GPR158: variants seen among roughly 807,000 people sequenced by gnomAD.
GPR158 encodes the protein G protein-coupled receptor 158.
GPR158 carries 30 observed loss-of-function variants against 78.2 expected under a neutral mutation model. The ratio of observed to expected loss-of-function variants is 0.38; its 90% CI spans 0.29 to 0.52. GPR158 has a LOEUF of 0.52. Among genes scored for constraint, GPR158 ranks in the 20% least tolerant of loss-of-function variants. The probability of loss-of-function intolerance (pLI) is 0.83; values close to 1 mark genes in which losing one functional copy is unlikely to be tolerated. For synonymous variants in GPR158, 581 were observed against 591.1 expected (o/e 0.98, Z 0.25); for missense variants, 1,463 against 1,523.5 (o/e 0.96, Z 0.66).
rs10642944 is a variant in GPR158 at position 25,212,627 on chromosome 10, C to CTTTTTTTTTTTTTTTTTTTTTT, written c.903-8424_903-8403dup. ...TACTTAACTACTAGAGAATTTATAGCTTTTTTTTTTTTTTTTTTTTTTGAG... is the reference window on the plus strand; with the variant it reads ...TACTTAACTACTAGAGAATTTATAGCTTTTTTTTTTTTTTTTTTTTTTTTTTTTTTTTTTTTTTTTTTTTGAG... On this transcript the variant is annotated intron_variant, in intron 1 of 10. Coordinates refer to ENST00000376351, the MANE Select transcript of GPR158 (RefSeq NM_020752.3). 2.5e-5 allele frequency among the ~76,000 whole-genome samples: 2 copies of CTTTTTTTTTTTTTTTTTTTTTT among 78,576 alleles called. 1 individual carries two copies. Among genetic ancestry groups the CTTTTTTTTTTTTTTTTTTTTTT allele is most frequent in the African/African-American group, 1.1e-4 (2 of 18,692 alleles). The allele number at this position is 78,576 out of a possible 152,430, so 51.5% of individuals were successfully genotyped here.
At chr10:25,573,403 T>C (rs796360972) in intron 7 of GPR158, among the ~76,000 whole-genome samples, 12 of 152,368 alleles carry the variant, frequency 7.9e-5, no homozygotes, top group African/African-American at 2.6e-4. Context: ...TTATTTATAA[T>C]TCTCTGGAGG....
chr10:25,498,172 A>G (rs1468377790), intron 5 of GPR158, among the ~76,000 whole-genome samples: 1 of 152,154 alleles, frequency 6.6e-6, no homozygotes, highest in Non-Finnish European at 1.5e-5. Flanking sequence ...TAACCAAACT[A>G]CAGTATTACC....
chr10:25,596,260 C>G (rs1837403632), intron 9 of GPR158, among the ~76,000 whole-genome samples: 2 of 152,160 alleles, frequency 1.3e-5, no homozygotes, highest in African/African-American at 4.8e-5. Context: ...GGCAGGAACT[C>G]TATGATATTC....
At chr10:25,341,995 A>T (rs543850) in intron 2 of GPR158, among the ~76,000 whole-genome samples, 2 of 151,726 alleles carry the variant, frequency 1.3e-5, no homozygotes, top group African/African-American at 4.8e-5. Flanking sequence ...AGAGTTCCTG[A>T]TACTTATTGC....
In GPR158 at chr10:25,577,992, A is replaced by T. The variant is rs191119441; in HGVS notation, c.1753+5105A>T. Reference sequence around the variant, plus strand: ...AATGACTTTTTCATCTGGTGGAAAGAGTTTTAAAATGTGGATGTTCCAAGA... The same window carrying T: ...AATGACTTTTTCATCTGGTGGAAAGTGTTTTAAAATGTGGATGTTCCAAGA... On this transcript the variant is annotated intron_variant, in intron 7 of 10. Transcript: ENST00000376351. 1.2e-3 allele frequency among the ~76,000 whole-genome samples: 187 copies of T among 152,340 alleles called. 1 individual carries two copies. Among genetic ancestry groups the T allele is most frequent in the African/African-American group, 3.9e-3 (164 of 41,570 alleles).
chr10:25,577,891 G>A (rs1837126552), intron 7 of GPR158, among the ~76,000 whole-genome samples: 1 of 152,170 alleles, frequency 6.6e-6, no homozygotes, highest in South Asian at 2.1e-4. Flanking sequence ...AAAAAATAAG[G>A]ATAAAGACAT....
chr10:25,296,041 AG>A (rs1186536125), intron 2 of GPR158, among the ~76,000 whole-genome samples: 2 of 113,376 alleles, frequency 1.8e-5, no homozygotes, highest in African/African-American at 6.3e-5. Context: ...AAAGCATAGC[AG>A]GGGCAGGGAG....
chr10:25,252,778 C>T (rs1372655652), intron 2 of GPR158, among the ~76,000 whole-genome samples: 5 of 152,162 alleles, frequency 3.3e-5, no homozygotes, highest in Admixed American at 2.6e-4. Flanking sequence ...TTTGTCTGTG[C>T]CCTGCCCCCA....
At chr10:25,363,995 A>G (rs1249125464) in intron 2 of GPR158, among the ~76,000 whole-genome samples, 1 of 151,992 alleles carries the variant, frequency 6.6e-6, no homozygotes, top group Non-Finnish European at 1.5e-5. Context: ...TTGCTTGAGA[A>G]TTACATGAAT....
intron 5 of GPR158, among the ~76,000 whole-genome samples, chr10:25,535,955 A>G (rs184580171): frequency 3.0e-4 from 45 of 152,302 alleles, no homozygotes; most frequent in African/African-American, 1.0e-3. Context: ...ATTGTTTTGT[A>G]CTGTTTTAAG....
intron 2 of GPR158, among the ~76,000 whole-genome samples, chr10:25,319,137 T>C (rs983570374): frequency 6.6e-6 from 1 of 152,354 alleles, no homozygotes; most frequent in African/African-American, 2.4e-5. Context: ...GGTCTGTTTC[T>C]TTAATGGAAT....
chr10:25,382,880 G>A (rs185897681), intron 2 of GPR158, among the ~76,000 whole-genome samples: 2 of 151,638 alleles, frequency 1.3e-5, no homozygotes, highest in African/African-American at 4.8e-5. Context: ...CGCCCAGGCT[G>A]GAGTGTAGTG....
chr10:25,346,750 C>A (rs1732003812), intron 2 of GPR158, among the ~76,000 whole-genome samples: 1 of 151,880 alleles, frequency 6.6e-6, no homozygotes, highest in South Asian at 2.1e-4. Flanking sequence ...GGAAATATGT[C>A]AAAATTTTGA....
chr10:25,252,315 G>A (rs374175885), intron 2 of GPR158, among the ~76,000 whole-genome samples: 4 of 152,084 alleles, frequency 2.6e-5, no homozygotes, highest in Non-Finnish European at 4.4e-5. Flanking sequence ...CTCTCAGCTC[G>A]TCAAAGTCAT....
chr10:25,294,290 C>CT (rs1194335238), intron 2 of GPR158, among the ~76,000 whole-genome samples: 1 of 151,928 alleles, frequency 6.6e-6, no homozygotes, highest in African/African-American at 2.4e-5. Context: ...GTGGGAGAAA[C>CT]TTTGTGAGTC....
intron 1 of GPR158, among the ~76,000 whole-genome samples, chr10:25,188,281 T>A (rs1852717673): frequency 6.6e-6 from 1 of 152,178 alleles, no homozygotes; most frequent in African/African-American, 2.4e-5. Flanking sequence ...TGGAAAACAC[T>A]ACTTTAAAGT....
At chr10:25,399,587 G>A (rs1834413562) in intron 3 of GPR158, among the ~76,000 whole-genome samples, 1 of 152,130 alleles carries the variant, frequency 6.6e-6, no homozygotes, top group Non-Finnish European at 1.5e-5. Context: ...TGCCAAAAAG[G>A]TTGGGGACCA....
intron 6 of GPR158, among the ~76,000 whole-genome samples, chr10:25,557,836 A>G (rs1836804857): frequency 6.6e-6 from 1 of 152,156 alleles, no homozygotes; most frequent in Non-Finnish European, 1.5e-5. Context: ...TAAAAGCAAA[A>G]TCATTTTAAT....
rs775803880 is a variant in GPR158 at position 25,598,431 on chromosome 10, G to T, written c.2805G>T (p.Leu935Phe). The change falls in exon 11 of 11, where the codon TTG (leucine) becomes TTT (phenylalanine). Residue 935 changes from leucine (L) to phenylalanine (F), a missense_variant. Physicochemically the swap from Leu to Phe is conservative, Grantham distance 22 (BLOSUM62 0). Coordinates refer to ENST00000376351, the MANE Select transcript of GPR158 (RefSeq NM_020752.3). ...AACGCACTAAATCCCAGAAACCTTT[G>T]CCAAAAGATAAAGAGACAAACAGAA... is the stretch of plus-strand genomic sequence containing the variant. ...VEERTKSQKPLPKDKETNRNH... is the reference protein window; with the variant it reads ...VEERTKSQKPFPKDKETNRNH... 1.2e-6 allele frequency: 2 copies of T among 1,613,998 alleles called. No individual in the cohort carries two copies. Among genetic ancestry groups the T allele is most frequent in the Admixed American group, 1.7e-5 (1 of 60,008 alleles).
Sources: gnomAD v4.1 joint callset for allele counts (sites outside exome capture counted in the v4.1 genomes callset) on GRCh38, gnomAD v4.1.1 for gene constraint, MANE v1.5 for transcripts, NCBI Gene and HGNC (gene_info 2026-07-23, HGNC 2026-07-21) for gene names.